CREB1: variants seen among roughly 807,000 people sequenced by gnomAD.
CREB1 encodes the protein cyclic AMP-responsive element-binding protein 1.
Under a neutral mutation model 42.0 loss-of-function variants are expected in CREB1, and 2 were observed. The ratio of observed to expected loss-of-function variants is 0.05; its 90% CI spans 0.02 to 0.15. The LOEUF (loss-of-function observed/expected upper bound fraction) is 0.15. Among genes scored for constraint, CREB1 ranks in the 10% least tolerant of loss-of-function variants. CREB1 has a pLI of 1.00. For synonymous variants in CREB1, 123 were observed against 139.9 expected (o/e 0.88, Z 0.85); for missense variants, 199 against 388.9 (o/e 0.51, Z 4.11).
At position 207,575,450 on chromosome 2, in the gene CREB1, T is replaced by A; in HGVS notation, c.684T>A (p.Val228=). 1 of 1,610,154 alleles carries A rather than the reference T, an allele frequency of 6.2e-7. No individual in the cohort carries two copies. Among genetic ancestry groups the A allele is most frequent in the Non-Finnish European group, 8.5e-7 (1 of 1,177,102 alleles). Residue 228 remains valine, a synonymous_variant, in exon 6 of 8, where the codon GTT becomes GTA. Transcript: ENST00000353267. The part of the protein sequence containing the change: ...QILVPSNQVV[V]QAASGDVQTY... ...TAGTGCCCAGCAACCAAGTTGTTGTTCAAGGTAAGGGAATTCAGAATTCAC... is the reference window on the plus strand; with the variant it reads ...TAGTGCCCAGCAACCAAGTTGTTGTACAAGGTAAGGGAATTCAGAATTCAC...
rs2087203688 is a variant in CREB1 at position 207,602,307 on chromosome 2, T to C, written c.*5249T>C. 5.1e-6 allele frequency: 1 copy of C among 195,500 alleles called. No homozygotes were observed. The highest frequency in any genetic ancestry group is 2.3e-5 in the African/African-American group (1 of 43,336). 12.1% of individuals were successfully genotyped at this position (195,500 alleles called of 1,614,324 possible). On this transcript the variant is annotated 3_prime_UTR_variant, in exon 8 of 8. Coordinates refer to ENST00000353267, the MANE Select transcript of CREB1 (RefSeq NM_004379.5). The stretch of plus-strand genomic sequence containing the variant: ...AGTTGATATTATAAACAGGCAGTTT[T>C]AGCACAGAAAGAAAATACTGACCTG...
At position 207,603,579 on chromosome 2, in the gene CREB1, G is replaced by A. The variant is rs917892758; in HGVS notation, c.*6521G>A. Reference sequence around the variant, plus strand: ...GCAAAACTAATTCAGACAACAACATGTCTTCAGTTACTGGATCCCTAATTT... The same window carrying A: ...GCAAAACTAATTCAGACAACAACATATCTTCAGTTACTGGATCCCTAATTT... On this transcript the variant is annotated 3_prime_UTR_variant, in exon 8 of 8. Coordinates refer to ENST00000353267, the MANE Select transcript of CREB1 (RefSeq NM_004379.5). 11 of 224,150 alleles carry A rather than the reference G, an allele frequency of 4.9e-5. No individual in the cohort carries two copies. The highest frequency in any genetic ancestry group is 8.9e-6 in the Non-Finnish European group (1 of 112,486). 13.9% of individuals were successfully genotyped at this position (224,150 alleles called of 1,614,324 possible).
At chr2:207,581,652 C>G (rs781260764) in intron 7 of CREB1, 3 of 424,668 alleles carry the variant, frequency 7.1e-6, no homozygotes, top group African/African-American at 2.0e-5. Context: ...TTTAAAAATA[C>G]AGAGTTCCGG....
chr2:207,559,586 A>G (rs1184791979), intron 2 of CREB1, among the ~76,000 whole-genome samples: 1 of 152,190 alleles, frequency 6.6e-6, no homozygotes, highest in Admixed American at 6.5e-5. Context: ...CAAGCATAGG[A>G]GCAATAAATA....
intron 1 of CREB1, among the ~76,000 whole-genome samples, chr2:207,542,721 CAT>C (rs1233784462): frequency 6.6e-6 from 1 of 152,000 alleles, no homozygotes; most frequent in Non-Finnish European, 1.5e-5. Context: ...TTGTGTATAT[CAT>C]AAATTCTTGT....
At chr2:207,588,658 ATAATC>A (rs1455765033) in intron 7 of CREB1, among the ~76,000 whole-genome samples, 3 of 151,798 alleles carry the variant, frequency 2.0e-5, no homozygotes, top group Non-Finnish European at 4.4e-5. Flanking sequence ...TGAACACAAT[ATAATC>A]TAATCAGCAC....
intron 1 of CREB1, among the ~76,000 whole-genome samples, chr2:207,536,092 C>T (rs1390361890): frequency 6.6e-6 from 1 of 152,106 alleles, no homozygotes; most frequent in Non-Finnish European, 1.5e-5. Context: ...GGATTACAAG[C>T]GTGAGCCACC....
At chr2:207,554,126 A>G (rs1266281829) in intron 1 of CREB1, among the ~76,000 whole-genome samples, 1 of 152,190 alleles carries the variant, frequency 6.6e-6, no homozygotes, top group Non-Finnish European at 1.5e-5. Flanking sequence ...TTGTGGCTTT[A>G]TGAATATTTT....
In CREB1 at chr2:207,599,577, C is replaced by T. The variant is rs1343462137; in HGVS notation, c.*2519C>T. On this transcript the variant is annotated 3_prime_UTR_variant, in exon 8 of 8. Coordinates refer to ENST00000353267, the MANE Select transcript of CREB1 (RefSeq NM_004379.5). ...AGGATGATTGCACTGGTTTTGAAGTCAGTTGCTTAATGATGAGGTGAGAAA... is the reference window on the plus strand; with the variant it reads ...AGGATGATTGCACTGGTTTTGAAGTTAGTTGCTTAATGATGAGGTGAGAAA... 1 of 197,706 alleles carries T rather than the reference C, an allele frequency of 5.1e-6. No individual in the cohort carries two copies. Among genetic ancestry groups the T allele is most frequent in the African/African-American group, 2.3e-5 (1 of 43,330 alleles). 12.2% of individuals were successfully genotyped at this position (197,706 alleles called of 1,614,324 possible). A position where few individuals can be genotyped will look rare whatever the true frequency, so the allele number is the denominator to read the frequency against.
chr2:207,597,238 C>A lies in CREB1; in HGVS notation c.*180C>A. 1.8e-6 allele frequency: 1 copy of A among 564,716 alleles called. No individual in the cohort carries two copies. Among genetic ancestry groups the A allele is most frequent in the Non-Finnish European group, 2.8e-6 (1 of 352,928 alleles). The allele number at this position is 564,716 out of a possible 1,614,324, so 35.0% of individuals were successfully genotyped here. On this transcript the variant is annotated 3_prime_UTR_variant, in exon 8 of 8. Coordinates refer to ENST00000353267, the MANE Select transcript of CREB1 (RefSeq NM_004379.5). ...TTGCATTAAACTGTGAATGTTCCAA[C>A]ACCTGCCTCCACTTCTCCCCTCAAG...
chr2:207,532,798 C>G (rs2080703808), intron 1 of CREB1, among the ~76,000 whole-genome samples: 1 of 151,878 alleles, frequency 6.6e-6, no homozygotes. Flanking sequence ...ATTGCCCAGG[C>G]TGGAGTGCAG....
At chr2:207,547,075 T>G (rs540453784) in intron 1 of CREB1, among the ~76,000 whole-genome samples, 48 of 152,322 alleles carry the variant, frequency 3.2e-4, no homozygotes, top group South Asian at 1.5e-3. Flanking sequence ...ATCTGTGAAG[T>G]TAGCTAACAC....
rs2086413348 is a variant in CREB1 at position 207,597,811 on chromosome 2, G to A, written c.*753G>A. 1 of 195,872 alleles carries A rather than the reference G, an allele frequency of 5.1e-6. No homozygotes were observed. The allele number at this position is 195,872 out of a possible 1,614,324, so 12.1% of individuals were successfully genotyped here. Reference sequence around the variant, plus strand: ...AACTGAACGACAAAGCATGGTATTTGAATTTTAAATTAAAGCAAAGTAAAT... The same window carrying A: ...AACTGAACGACAAAGCATGGTATTTAAATTTTAAATTAAAGCAAAGTAAAT... On this transcript the variant is annotated 3_prime_UTR_variant, in exon 8 of 8. Coordinates refer to ENST00000353267, the MANE Select transcript of CREB1 (RefSeq NM_004379.5).
intron 3 of CREB1, chr2:207,561,224 TTA>T: frequency 2.2e-6 from 3 of 1,375,868 alleles, no homozygotes; most frequent in Non-Finnish European, 3.1e-6. Context: ...AAATTATTCT[TTA>T]TGTCTTTGTC....
chr2:207,545,355 G>A (rs1331206246), intron 1 of CREB1, among the ~76,000 whole-genome samples: 1 of 152,014 alleles, frequency 6.6e-6, no homozygotes, highest in Non-Finnish European at 1.5e-5. Context: ...CTCCAGTCAT[G>A]TGCCACCATG....
At chr2:207,576,063 G>A (rs73056928) in intron 6 of CREB1, among the ~76,000 whole-genome samples, 1,821 of 150,796 alleles carry the variant, frequency 0.012, 36 homozygotes, top group African/African-American at 0.042. Flanking sequence ...CGGGCCTCAA[G>A]CAATCCTCCT....
chr2:207,590,082 A>ATT (rs1201693112), intron 7 of CREB1, among the ~76,000 whole-genome samples: 1 of 95,578 alleles, frequency 1.0e-5, no homozygotes. Flanking sequence ...TATTTTGAGA[A>ATT]GTTTTTTTTT....
chr2:207,576,644 G>A (rs2082610366), intron 6 of CREB1: 1 of 1,292,342 alleles, frequency 7.7e-7, no homozygotes. Context: ...CTCAAAAATT[G>A]TAAAGCAGGA....
chr2:207,560,381 A>T lies in CREB1; in HGVS notation c.261+9A>T, dbSNP rs1376046430. On this transcript the variant is annotated intron_variant, in intron 3 of 7. Coordinates refer to ENST00000353267, the MANE Select transcript of CREB1 (RefSeq NM_004379.5). ...AAGTCCAAACAGTTCAGGTATGTGT[A>T]TAAAAAGTTCTGCATCTATTTTAAT... The T allele has an allele frequency of 6.2e-7, 1 of 1,603,884 alleles. No individual in the cohort carries two copies. The highest frequency in any genetic ancestry group is 8.5e-7 in the Non-Finnish European group (1 of 1,175,924).
Sources: allele counts gnomAD v4.1 joint callset (sites outside exome capture counted in the v4.1 genomes callset), GRCh38; gene constraint gnomAD v4.1.1; transcripts MANE v1.5; gene names NCBI Gene and HGNC (gene_info 2026-07-23, HGNC 2026-07-21).